The following ABI3BP variants were observed in gnomAD, a reference collection of about 807,000 sequenced individuals.
The protein encoded by ABI3BP is ABI family member 3 binding protein.
A neutral mutation model predicts 268.6 loss-of-function variants in ABI3BP; 216 were observed. The ratio of observed to expected loss-of-function variants is 0.80; its 90% CI spans 0.72 to 0.90. The LOEUF (loss-of-function observed/expected upper bound fraction) is 0.90. ABI3BP is among the 40% of genes least tolerant of loss of function. The probability of loss-of-function intolerance (pLI) is 0.00; values close to 1 mark genes in which losing one functional copy is unlikely to be tolerated. For synonymous variants in ABI3BP, 730 were observed against 730.0 expected, an observed-to-expected ratio of 1.00 and a Z score of 0.00; for missense variants, 2,090 against 2,182.4, an observed-to-expected ratio of 0.96 and a Z score of 0.84.
At chr3:100,837,824 A>G (rs2098627769) in intron 26 of ABI3BP, among the ~76,000 whole-genome samples, 1 of 152,192 alleles carries the variant, frequency 6.6e-6, no homozygotes, top group Admixed American at 6.5e-5. Context: ...ATCCCTGACT[A>G]GCAAGTCTTC....
At chr3:100,969,107 G>A (rs1367931814) in intron 1 of ABI3BP, among the ~76,000 whole-genome samples, 3 of 152,176 alleles carry the variant, frequency 2.0e-5, no homozygotes, top group Non-Finnish European at 4.4e-5. Flanking sequence ...CATAGACATG[G>A]TCTAAGTGAT....
At chr3:100,758,419 T>G (rs2095754030) in intron 63 of ABI3BP, among the ~76,000 whole-genome samples, 1 of 152,230 alleles carries the variant, frequency 6.6e-6, no homozygotes, top group African/African-American at 2.4e-5. Context: ...GTATCATATT[T>G]GTATCTCTAG....
At chr3:100,934,196 T>C (rs2064966753) in intron 1 of ABI3BP, among the ~76,000 whole-genome samples, 1 of 151,820 alleles carries the variant, frequency 6.6e-6, no homozygotes, top group African/African-American at 2.4e-5. Flanking sequence ...TGTGTTCTCA[T>C]TGTCCAACTC....
intron 4 of ABI3BP, among the ~76,000 whole-genome samples, chr3:100,890,971 T>G (rs2044350516): frequency 7.1e-6 from 1 of 141,692 alleles, no homozygotes; most frequent in South Asian, 2.4e-4. Flanking sequence ...GTGATAATTT[T>G]CAAACTGGTC....
intron 15 of ABI3BP, 149 bp downstream of exon 15, chr3:100,851,726 G>C (rs2098841551): frequency 1.6e-6 from 1 of 632,090 alleles, no homozygotes; most frequent in African/African-American, 1.8e-5. Context: ...GGGAGGAGTG[G>C]GTAAAACACA....
chr3:100,903,925 A>G (rs2051808196), intron 2 of ABI3BP, among the ~76,000 whole-genome samples: 1 of 152,172 alleles, frequency 6.6e-6, no homozygotes, highest in Non-Finnish European at 1.5e-5. Context: ...CAGATAAAGG[A>G]GCATTCATTC....
At chr3:100,963,069 G>A (rs1161392723) in intron 1 of ABI3BP, among the ~76,000 whole-genome samples, 1 of 152,076 alleles carries the variant, frequency 6.6e-6, no homozygotes, top group Non-Finnish European at 1.5e-5. Flanking sequence ...ACTAACCAGT[G>A]GTAATACTTA....
intron 1 of ABI3BP, among the ~76,000 whole-genome samples, chr3:100,977,332 T>A (rs1174548182): frequency 2.0e-5 from 3 of 152,200 alleles, no homozygotes; most frequent in Non-Finnish European, 4.4e-5. Flanking sequence ...GCATTCATCA[T>A]CCATACAGTT....
Position 100,821,034 on chromosome 3 carries a change from G to A in ABI3BP, c.2947+20C>T. The stretch of plus-strand genomic sequence containing the variant: ...GATGAGAAGGAAGAACACTTAATGA[G>A]GATTGCAACGTGCTATTACCTTGTG... On this transcript the variant is annotated intron_variant, in intron 39 of 67. Coordinates refer to ENST00000471714, the MANE Select transcript of ABI3BP (RefSeq NM_001375547.2). 6.5e-7 allele frequency: 1 copy of A among 1,530,958 alleles called. No homozygotes were observed. Among genetic ancestry groups the A allele is most frequent in the Non-Finnish European group, 8.8e-7 (1 of 1,142,320 alleles). The allele number at this position is 1,530,958 out of a possible 1,614,324, so 94.8% of individuals were successfully genotyped here.
At chr3:100,924,733 C>T (rs1280792181) in intron 2 of ABI3BP, among the ~76,000 whole-genome samples, 1 of 152,088 alleles carries the variant, frequency 6.6e-6, no homozygotes, top group African/African-American at 2.4e-5. Context: ...ATTTGTGCAA[C>T]AAATTCTCTT....
chr3:100,838,569 A>G, intron 24 of ABI3BP, 105 bp from the exon 25 acceptor site: 8 of 982,832 alleles, frequency 8.1e-6, no homozygotes, highest in Non-Finnish European at 1.2e-5. Context: ...CAACGAATCT[A>G]TAAACATTTC....
At chr3:100,959,265 C>T (rs1432032468) in intron 1 of ABI3BP, among the ~76,000 whole-genome samples, 16 of 151,712 alleles carry the variant, frequency 1.1e-4, no homozygotes, top group South Asian at 4.2e-4. Flanking sequence ...CCGAGGCGGG[C>T]GGATCACGAG....
chr3:100,812,086 ATT>A (rs112051955), intron 46 of ABI3BP, among the ~76,000 whole-genome samples: 2 of 149,908 alleles, frequency 1.3e-5, no homozygotes, highest in Non-Finnish European at 3.0e-5. Flanking sequence ...TTCCATTTTC[ATT>A]TTTTTTTTCG....
chr3:100,820,746 A>G (rs979925831), intron 39 of ABI3BP, among the ~76,000 whole-genome samples: 1 of 152,226 alleles, frequency 6.6e-6, no homozygotes, highest in Non-Finnish European at 1.5e-5. Context: ...GTTAGAATCA[A>G]GAAAACTGCA....
chr3:100,857,700 A>G (rs1168740179), intron 14 of ABI3BP, among the ~76,000 whole-genome samples: 5 of 152,232 alleles, frequency 3.3e-5, no homozygotes, highest in African/African-American at 4.8e-5. Context: ...GGTTTATTGA[A>G]TAATATATTA....
At chr3:100,760,703 C>G (rs2095888330) in intron 63 of ABI3BP, among the ~76,000 whole-genome samples, 1 of 152,150 alleles carries the variant, frequency 6.6e-6, no homozygotes, top group South Asian at 2.1e-4. Flanking sequence ...CTTATTAAGG[C>G]ATACTTTATC....
At position 100,898,907 on chromosome 3, in the gene ABI3BP, C is replaced by T. The variant is rs41273555; in HGVS notation, c.329-13G>A. On this transcript the variant is annotated splice_polypyrimidine_tract_variant and intron_variant, in intron 3 of 67. Coordinates refer to ENST00000471714, the MANE Select transcript of ABI3BP (RefSeq NM_001375547.2). ...GAACGAGTTTTACCTGTGGAGGTGG[C>T]ATAGAGGTTAATAATTCAGGAGACA... The T allele has an allele frequency of 0.012, 19,596 of 1,596,638 alleles. 159 individuals carry two copies. Among genetic ancestry groups the T allele is most frequent in the Non-Finnish European group, 0.015 (17,562 of 1,172,766 alleles).
intron 48 of ABI3BP, 113 bp downstream of exon 48, chr3:100,811,117 G>T: frequency 1.2e-6 from 1 of 845,452 alleles, no homozygotes; most frequent in Non-Finnish European, 1.7e-6. Flanking sequence ...TAACTGCCAT[G>T]GCGAAGAGTG....
chr3:100,894,906 T>G (rs1487143399), intron 4 of ABI3BP, among the ~76,000 whole-genome samples: 2 of 109,084 alleles, frequency 1.8e-5, no homozygotes, highest in East Asian at 3.3e-4. Flanking sequence ...GCCTCTGCAC[T>G]CCAGCCTGGG....
Sources: gnomAD v4.1 joint callset for allele counts (sites outside exome capture counted in the v4.1 genomes callset) on GRCh38, gnomAD v4.1.1 for gene constraint, MANE v1.5 for transcripts, NCBI Gene and HGNC (gene_info 2026-07-23, HGNC 2026-07-21) for gene names.